The following NFYC variants were observed in gnomAD, a reference collection of about 807,000 sequenced individuals.
NFYC encodes the protein CAAT box DNA-binding protein subunit C.
NFYC carries 25 observed loss-of-function variants against 53.1 expected under a neutral mutation model. The observed-to-expected ratio is 0.47, with a 90% CI of 0.34 to 0.66. The LOEUF is 0.66. Among genes scored for constraint, NFYC ranks in the 30% least tolerant of loss-of-function variants. NFYC has a pLI of 0.01. For synonymous variants in NFYC, 145 were observed against 152.6 expected (o/e 0.95, Z 0.37); for missense variants, 260 against 422.7 (o/e 0.62, Z 3.38).
chr1:40,736,820 C>CAAAAA (rs71060396), intron 1 of NFYC, among the ~76,000 whole-genome samples: 5 of 63,676 alleles, frequency 7.9e-5, no homozygotes, highest in African/African-American at 1.9e-4. Flanking sequence ...AAACTTATTC[C>CAAAAA]AAAAAAAAAA....
At chr1:40,716,348 T>C (rs1034254715) in intron 1 of NFYC, among the ~76,000 whole-genome samples, 7 of 152,060 alleles carry the variant, frequency 4.6e-5, no homozygotes, top group African/African-American at 1.4e-4. Flanking sequence ...ATTCCAGACA[T>C]TGGGAGCAAC....
intron 5 of NFYC, chr1:40,757,196 C>T (rs1187602985): frequency 7.6e-6 from 2 of 263,120 alleles, no homozygotes; most frequent in Admixed American, 3.9e-5. Flanking sequence ...CAGGCAGGGG[C>T]ACCATGTGTC....
At chr1:40,727,529 A>G (rs1461391358) in intron 1 of NFYC, among the ~76,000 whole-genome samples, 4 of 115,996 alleles carry the variant, frequency 3.4e-5, no homozygotes, top group Admixed American at 9.9e-5. Flanking sequence ...GGCCATGAAT[A>G]TTCTTTTTTT....
At chr1:40,717,055 A>C (rs1404191694) in intron 1 of NFYC, among the ~76,000 whole-genome samples, 1 of 152,162 alleles carries the variant, frequency 6.6e-6, no homozygotes, top group Non-Finnish European at 1.5e-5. Context: ...GGCAGCTTGT[A>C]CATGAAGGAC....
chr1:40,716,965 G>C (rs1168677057), intron 1 of NFYC, among the ~76,000 whole-genome samples: 1 of 152,106 alleles, frequency 6.6e-6, no homozygotes, highest in African/African-American at 2.4e-5. Context: ...AGCAAGTTTG[G>C]GGGGAAAAGA....
At chr1:40,754,556 A>T in intron 5 of NFYC, 2 of 394,984 alleles carry the variant, frequency 5.1e-6, no homozygotes, top group South Asian at 3.8e-5. Context: ...CACAACAAGA[A>T]CTCAGGCCAT....
At chr1:40,729,522 C>G (rs1342120589) in intron 1 of NFYC, among the ~76,000 whole-genome samples, 1 of 152,164 alleles carries the variant, frequency 6.6e-6, no homozygotes, top group Non-Finnish European at 1.5e-5. Context: ...GTCTAGACCA[C>G]TGAAACTTTC....
Position 40,707,192 on chromosome 1 carries a change from T to TCA in NFYC, c.-9+15325_-9+15326insCA, listed in dbSNP as rs560249811. 3.8e-4 allele frequency among the ~76,000 whole-genome samples: 57 copies of TCA among 150,830 alleles called. 2 individuals are homozygous for TCA. The South Asian group carries it at 6.1e-3, about 16-fold the overall frequency. Reference sequence around the variant, plus strand: ...CTCAAAAAAAAAAAAGAAAATTTTTTTATATATATATGGTAGAAGGCTGGG... The same window carrying TCA: ...CTCAAAAAAAAAAAAGAAAATTTTTTCATATATATATATGGTAGAAGGCTGGG... On this transcript the variant is annotated intron_variant, in intron 1 of 9. Coordinates refer to ENST00000447388, the MANE Select transcript of NFYC (RefSeq NM_014223.5).
chr1:40,733,192 T>C (rs1199173656), intron 1 of NFYC, among the ~76,000 whole-genome samples: 1 of 151,862 alleles, frequency 6.6e-6, no homozygotes, highest in Non-Finnish European at 1.5e-5. Context: ...GACATACACA[T>C]TGATGTGTAT....
intron 1 of NFYC, among the ~76,000 whole-genome samples, chr1:40,713,849 G>A (rs1160735923): frequency 1.3e-5 from 2 of 152,072 alleles, no homozygotes; most frequent in African/African-American, 4.8e-5. Flanking sequence ...TTGCTGTTTG[G>A]GTATAGAAGG....
intron 5 of NFYC, among the ~76,000 whole-genome samples, chr1:40,755,678 T>C (rs1244281200): frequency 6.6e-6 from 1 of 152,230 alleles, no homozygotes; most frequent in East Asian, 1.9e-4. Context: ...GCCTTAGATA[T>C]GCCTTCTTCC....
intron 4 of NFYC, among the ~76,000 whole-genome samples, chr1:40,751,191 C>T (rs1472316268): frequency 6.6e-6 from 1 of 152,140 alleles, no homozygotes; most frequent in East Asian, 1.9e-4. Flanking sequence ...GATTCCTCCT[C>T]AGCAATAAAA....
rs756724387 is a variant in NFYC, at chr1:40,763,043, C to A, written c.717C>A (p.Ile239=). Residue 239 remains isoleucine, a synonymous_variant, in exon 7 of 10, where the codon ATC becomes ATA. Transcript: ENST00000447388. ...IITNTGEIQQ[I]PVQLNAGQLQ... ...CTAACACAGGAGAGATCCAGCAGAT[C>A]CCGGTGAGTCCTGCCCTGAGGTCTG... 33 of 1,593,690 alleles carry A rather than the reference C, an allele frequency of 2.1e-5. No individual in the cohort carries two copies. Among genetic ancestry groups the A allele is most frequent in the Non-Finnish European group, 8.6e-7 (1 of 1,167,920 alleles).
intron 2 of NFYC, among the ~76,000 whole-genome samples, chr1:40,743,341 C>T (rs1645447901): frequency 6.6e-6 from 1 of 152,108 alleles, no homozygotes; most frequent in Admixed American, 6.5e-5. Context: ...TGTGTAAAAC[C>T]CTATATTCCC....
chr1:40,724,835 T>G lies in NFYC; in HGVS notation c.-8-14001T>G, dbSNP rs116829932. 5.9e-3 allele frequency among the ~76,000 whole-genome samples: 898 copies of G among 152,354 alleles called. 6 individuals are homozygous for G. Among genetic ancestry groups the G allele is most frequent in the Non-Finnish European group, 7.3e-3 (494 of 68,046 alleles). ...GTTTTTGAAGGAAAAGTGGCTCTTC[T>G]GCCAGTTTGAAAATGTGTCCTTGTG... is the stretch of plus-strand genomic sequence containing the variant. On this transcript the variant is annotated intron_variant, in intron 1 of 9. Coordinates refer to ENST00000447388, the MANE Select transcript of NFYC (RefSeq NM_014223.5).
chr1:40,719,971 T>G (rs1644272316), intron 1 of NFYC, among the ~76,000 whole-genome samples: 1 of 152,200 alleles, frequency 6.6e-6, no homozygotes, highest in Non-Finnish European at 1.5e-5. Flanking sequence ...TGAAACTACT[T>G]TAAGAAGTGT....
chr1:40,705,474 T>C (rs1643652278), intron 1 of NFYC, among the ~76,000 whole-genome samples: 1 of 152,256 alleles, frequency 6.6e-6, no homozygotes, highest in Non-Finnish European at 1.5e-5. Context: ...ACAGTACCTA[T>C]AACACATCGT....
At chr1:40,754,006 G>T (rs952337229) in intron 5 of NFYC, among the ~76,000 whole-genome samples, 5 of 152,118 alleles carry the variant, frequency 3.3e-5, no homozygotes, top group African/African-American at 1.2e-4. Flanking sequence ...GTCCTTTAGA[G>T]CTCATTGTTT....
rs1300766920 is a variant in NFYC at position 40,691,881 on chromosome 1, CG to C, written c.-9+17del. ...TCCTGAGCAGAGGTGTGTGAGTGTGCGGGAGTTTCTGTGCGAGGGTGATAGG... is the reference window on the plus strand; with the variant it reads ...TCCTGAGCAGAGGTGTGTGAGTGTGCGGAGTTTCTGTGCGAGGGTGATAGG... On this transcript the variant is annotated intron_variant, in intron 1 of 9. Coordinates refer to ENST00000447388, the MANE Select transcript of NFYC (RefSeq NM_014223.5). 10 of 383,376 alleles carry C rather than the reference CG, an allele frequency of 2.6e-5. No individual in the cohort carries two copies. The highest frequency in any genetic ancestry group is 4.8e-5 in the Non-Finnish European group (9 of 188,996). The allele number at this position is 383,376 out of a possible 1,614,324, so 23.7% of individuals were successfully genotyped here. A position where few individuals can be genotyped will look rare whatever the true frequency, so the allele number is the denominator to read the frequency against.
Sources: gnomAD v4.1 joint callset for allele counts (sites outside exome capture counted in the v4.1 genomes callset) on GRCh38, gnomAD v4.1.1 for gene constraint, MANE v1.5 for transcripts, NCBI Gene and HGNC (gene_info 2026-07-23, HGNC 2026-07-21) for gene names.